Variants in PTPRR observed in about 807,000 individuals in gnomAD.
PTPRR encodes protein tyrosine phosphatase receptor type R, also known as receptor-type tyrosine-protein phosphatase R.
In PTPRR, 38 loss-of-function variants were observed where a neutral mutation model predicts 77.2. The ratio of observed to expected loss-of-function variants is 0.49; its 90% CI spans 0.38 to 0.65. The LOEUF (loss-of-function observed/expected upper bound fraction) is 0.65, where lower values mean the gene tolerates loss of function less well. Ranked by LOEUF, PTPRR falls within the 30% of genes least tolerant of loss-of-function variation. PTPRR has a pLI of 0.00. For synonymous variants in PTPRR, 299 were observed against 283.1 expected, an observed-to-expected ratio of 1.06 and a Z score of -0.57; for missense variants, 744 against 799.2, an observed-to-expected ratio of 0.93 and a Z score of 0.83.
intron 2 of PTPRR, among the ~76,000 whole-genome samples, chr12:70,883,686 G>A (rs1303460675): frequency 6.6e-6 from 1 of 152,004 alleles, no homozygotes; most frequent in Non-Finnish European, 1.5e-5. Flanking sequence ...AAAATACTGA[G>A]TTTTATTTCA....
chr12:70,663,480 C>T (rs1182726354), intron 10 of PTPRR, among the ~76,000 whole-genome samples: 1 of 152,108 alleles, frequency 6.6e-6, no homozygotes, highest in African/African-American at 2.4e-5. Flanking sequence ...GTTATTATTG[C>T]TGTTGTTATT....
intron 2 of PTPRR, among the ~76,000 whole-genome samples, chr12:70,853,900 T>G (rs1031967198): frequency 6.6e-6 from 1 of 152,226 alleles, no homozygotes; most frequent in African/African-American, 2.4e-5. Flanking sequence ...TTACTCTTAC[T>G]GTACATCAAA....
intron 10 of PTPRR, among the ~76,000 whole-genome samples, chr12:70,680,294 T>C (rs1887606776): frequency 6.6e-6 from 1 of 152,196 alleles, no homozygotes; most frequent in South Asian, 2.1e-4. Context: ...GTGTCATGTT[T>C]CTTTGCTTTT....
At chr12:70,917,837 C>T (rs970973860) in intron 1 of PTPRR, among the ~76,000 whole-genome samples, 2 of 152,192 alleles carry the variant, frequency 1.3e-5, no homozygotes, top group Admixed American at 6.5e-5. Flanking sequence ...CCCGTTAGCA[C>T]ATTCCTCCCA....
Position 70,875,570 on chromosome 12 carries a change from T to C in PTPRR, c.357+17109A>G, listed in dbSNP as rs531799384. Among the ~76,000 whole-genome samples, 109 of 150,514 alleles carry C rather than the reference T, an allele frequency of 7.2e-4. 1 individual carries two copies. The highest frequency in any genetic ancestry group is 6.9e-3 in the Middle Eastern group (2 of 290). On this transcript the variant is annotated intron_variant, in intron 2 of 13. Transcript: ENST00000283228. Reference sequence around the variant, plus strand: ...GTATACATGCAGAAGTTTATCTACATATAAAGAAACCAGGGAATTATAAAT... The same window carrying C: ...GTATACATGCAGAAGTTTATCTACACATAAAGAAACCAGGGAATTATAAAT...
rs189432795 is a variant in PTPRR at position 70,894,789 on chromosome 12, T to C, written c.59-1812A>G. Among the ~76,000 whole-genome samples the C allele has an allele frequency of 4.0e-3, 601 of 151,876 alleles. 2 individuals carry two copies. The highest frequency in any genetic ancestry group is 9.1e-3 in the South Asian group (44 of 4,830). Reference sequence around the variant, plus strand: ...CATTTCCAAATCCGAGGAACTCATTTAATATGGAGAAATAAAATGTACAAT... The same window carrying C: ...CATTTCCAAATCCGAGGAACTCATTCAATATGGAGAAATAAAATGTACAAT... On this transcript the variant is annotated intron_variant, in intron 1 of 13. Coordinates refer to ENST00000283228, the MANE Select transcript of PTPRR (RefSeq NM_002849.4).
At chr12:70,863,515 C>A (rs1892788342) in intron 2 of PTPRR, among the ~76,000 whole-genome samples, 1 of 152,014 alleles carries the variant, frequency 6.6e-6, no homozygotes, top group Non-Finnish European at 1.5e-5. Context: ...ACAGATTATA[C>A]CTACTTTGAA....
intron 5 of PTPRR, among the ~76,000 whole-genome samples, chr12:70,747,574 A>T (rs1381489816): frequency 1.3e-5 from 2 of 152,280 alleles, no homozygotes; most frequent in East Asian, 3.9e-4. Flanking sequence ...CAATTTTATG[A>T]TTTATATTAG....
chr12:70,864,101 T>C (rs369560879), intron 2 of PTPRR, among the ~76,000 whole-genome samples: 17 of 152,324 alleles, frequency 1.1e-4, no homozygotes, highest in African/African-American at 2.2e-4. Context: ...ATCTGGAAGC[T>C]GCAAAATCAG....
At chr12:70,894,474 C>T (rs1893391415) in intron 1 of PTPRR, among the ~76,000 whole-genome samples, 1 of 151,648 alleles carries the variant, frequency 6.6e-6, no homozygotes, top group South Asian at 2.1e-4. Context: ...TATTTTATTT[C>T]TTAACCCCAA....
chr12:70,664,991 T>C (rs565569661), intron 10 of PTPRR, among the ~76,000 whole-genome samples: 21 of 152,278 alleles, frequency 1.4e-4, no homozygotes, highest in Non-Finnish European at 2.4e-4. Flanking sequence ...TACAGCTTTT[T>C]AGGGTTTCTT....
At chr12:70,657,536 T>C (rs538240641) in intron 12 of PTPRR, among the ~76,000 whole-genome samples, 4 of 152,342 alleles carry the variant, frequency 2.6e-5, no homozygotes, top group Non-Finnish European at 5.9e-5. Context: ...TCTGCAGTTT[T>C]AACCACTAAC....
At chr12:70,835,051 T>C (rs1012191438) in intron 2 of PTPRR, among the ~76,000 whole-genome samples, 1 of 152,114 alleles carries the variant, frequency 6.6e-6, no homozygotes, top group African/African-American at 2.4e-5. Flanking sequence ...CTTTCTCTTC[T>C]GTAAAATGGG....
At position 70,798,417 on chromosome 12, in the gene PTPRR, C is replaced by T. The variant is rs559280214; in HGVS notation, c.358-33639G>A. Among the ~76,000 whole-genome samples, 17 of 152,240 alleles carry T rather than the reference C, an allele frequency of 1.1e-4. No homozygotes were observed. In the East Asian group the frequency reaches 1.4e-3, roughly 12 times the overall value. ...AAGAGAAATATTTTAAAAATATACACGAGATCAAATCTATTTTATCTATTC... is the reference window on the plus strand; with the variant it reads ...AAGAGAAATATTTTAAAAATATACATGAGATCAAATCTATTTTATCTATTC... On this transcript the variant is annotated intron_variant, in intron 2 of 13. Transcript: ENST00000283228.
chr12:70,804,888 C>A (rs1891681909), intron 2 of PTPRR, among the ~76,000 whole-genome samples: 1 of 152,062 alleles, frequency 6.6e-6, no homozygotes, highest in Non-Finnish European at 1.5e-5. Context: ...GTTTTAGTTT[C>A]CAGATTGCCC....
intron 10 of PTPRR, among the ~76,000 whole-genome samples, chr12:70,682,605 T>C (rs1887716396): frequency 6.6e-6 from 1 of 152,208 alleles, no homozygotes; most frequent in African/African-American, 2.4e-5. Flanking sequence ...GAGAGGTTTT[T>C]CAGGTTATCT....
chr12:70,911,005 T>C (rs888929772), intron 1 of PTPRR, among the ~76,000 whole-genome samples: 1 of 152,046 alleles, frequency 6.6e-6, no homozygotes, highest in African/African-American at 2.4e-5. Context: ...TCACCTGAGG[T>C]AAAATCAGCA....
intron 5 of PTPRR, among the ~76,000 whole-genome samples, chr12:70,751,105 T>C (rs1890381571): frequency 6.6e-6 from 1 of 152,084 alleles, no homozygotes; most frequent in African/African-American, 2.4e-5. Context: ...ATCCATCTAA[T>C]TATTTCTTTC....
chr12:70,642,244 T>C (rs938249423), intron 13 of PTPRR, among the ~76,000 whole-genome samples: 2 of 152,038 alleles, frequency 1.3e-5, no homozygotes, highest in African/African-American at 4.8e-5. Flanking sequence ...AAGACTTTTT[T>C]TGAATGTGGA....
Sources: allele counts gnomAD v4.1 joint callset (sites outside exome capture counted in the v4.1 genomes callset), GRCh38; gene constraint gnomAD v4.1.1; transcripts MANE v1.5; gene names NCBI Gene and HGNC (gene_info 2026-07-23, HGNC 2026-07-21).